Variants in DIPK1C observed in about 807,000 individuals in gnomAD.
The protein encoded by DIPK1C is familial non-conventional Alzheimer's dementia.
Under a neutral mutation model 28.0 loss-of-function variants are expected in DIPK1C, and 33 were observed. That is an observed-to-expected ratio of 1.18 (90% CI 0.89 to 1.58). DIPK1C has a LOEUF of 1.58. DIPK1C is among the 40% of genes most tolerant of loss of function. The pLI is 0.00. For synonymous variants in DIPK1C, 255 were observed against 248.8 expected, an observed-to-expected ratio of 1.02 and a Z score of -0.23; for missense variants, 569 against 568.5, an observed-to-expected ratio of 1.00 and a Z score of -0.01.
rs1464419237 is a variant in DIPK1C at position 74,446,884 on chromosome 18, T to A, written c.598A>T (p.Ser200Cys). 1 of 1,521,006 alleles carries A rather than the reference T, an allele frequency of 6.6e-7. No homozygotes were observed. The highest frequency in any genetic ancestry group is 8.9e-7 in the Non-Finnish European group (1 of 1,129,632). 94.2% of individuals were successfully genotyped at this position (1,521,006 alleles called of 1,614,324 possible). Residue 200 changes from serine (S) to cysteine (C), a missense_variant, in exon 2 of 4, where the codon AGC (serine) becomes TGC (cysteine). Ser to Cys is a moderately radical substitution (Grantham distance 112). Transcript: ENST00000343998. Reference sequence around the variant, plus strand: ...TGTGGGCTCAGGTCCTGCAGCAGGCTGAAGTAGACGTACTCCTCCTGCTGC... The same window carrying A: ...TGTGGGCTCAGGTCCTGCAGCAGGCAGAAGTAGACGTACTCCTCCTGCTGC... ...LLQQEEYVYF[S>C]LLQDLSPHVL...
intron 1 of DIPK1C, 150 bp downstream of exon 1, chr18:74,456,912 C>T (rs1429832942): frequency 8.4e-6 from 7 of 830,474 alleles, no homozygotes; most frequent in Non-Finnish European, 9.9e-6. Flanking sequence ...CCGGGGCGTG[C>T]GCCTCTGGCA....
intron 1 of DIPK1C, among the ~76,000 whole-genome samples, chr18:74,456,473 G>A (rs1006385870): frequency 6.6e-6 from 1 of 152,238 alleles, no homozygotes; most frequent in Admixed American, 6.5e-5. Context: ...GCTCGCCCGA[G>A]CGCACACTGC....
At chr18:74,437,926 C>CTGTG (rs1353620727) in intron 3 of DIPK1C, among the ~76,000 whole-genome samples, 27 of 152,206 alleles carry the variant, frequency 1.8e-4, no homozygotes, top group African/African-American at 6.3e-4. Context: ...AGGTCTCACT[C>CTGTG]TGTGACCCAG....
intron 1 of DIPK1C, 114 bp downstream of exon 1, chr18:74,456,948 G>T (rs1986527016): frequency 1.8e-6 from 2 of 1,130,558 alleles, no homozygotes; most frequent in Non-Finnish European, 2.3e-6. Flanking sequence ...GGGAACCCAT[G>T]TCCCCGGCGG....
At chr18:74,454,570 T>G (rs549748117) in intron 1 of DIPK1C, among the ~76,000 whole-genome samples, 3 of 152,240 alleles carry the variant, frequency 2.0e-5, no homozygotes, top group African/African-American at 7.2e-5. Flanking sequence ...GTATTCAGAG[T>G]GAAAGCTAAT....
In DIPK1C at chr18:74,449,205, C is replaced by T. The variant is rs143193691; in HGVS notation, c.199-1922G>A. 4.6e-3 allele frequency among the ~76,000 whole-genome samples: 697 copies of T among 152,240 alleles called. 5 individuals carry two copies. The highest frequency in any genetic ancestry group is 6.8e-3 in the Middle Eastern group (2 of 294). On this transcript the variant is annotated intron_variant, in intron 1 of 3. Coordinates refer to ENST00000343998, the MANE Select transcript of DIPK1C (RefSeq NM_001044369.3). ...GTGTCAAAACCCAGCTGAAAAGACA[C>T]GAGCCTATTTGTATCTATATGTGTT...
At chr18:74,437,213 G>A (rs1302315475) in intron 3 of DIPK1C, among the ~76,000 whole-genome samples, 1 of 152,200 alleles carries the variant, frequency 6.6e-6, no homozygotes, top group African/African-American at 2.4e-5. Flanking sequence ...GCCAAATGGT[G>A]CGTGAGGGAG....
intron 1 of DIPK1C, among the ~76,000 whole-genome samples, chr18:74,452,015 C>T (rs1986408432): frequency 6.6e-6 from 1 of 152,208 alleles, no homozygotes. Flanking sequence ...AGGGCAAAAT[C>T]ATCTCATACA....
chr18:74,454,290 A>T (rs1037331403), intron 1 of DIPK1C, among the ~76,000 whole-genome samples: 1 of 151,900 alleles, frequency 6.6e-6, no homozygotes, highest in Non-Finnish European at 1.5e-5. Flanking sequence ...CTAGAGGGGA[A>T]CCTCCCTGGG....
At chr18:74,442,490 G>A (rs891628885) in intron 2 of DIPK1C, among the ~76,000 whole-genome samples, 14 of 151,798 alleles carry the variant, frequency 9.2e-5, no homozygotes, top group African/African-American at 2.4e-4. Context: ...CACCACACCC[G>A]GCTAATTTTT....
chr18:74,445,130 TG>T (rs1986229850), intron 2 of DIPK1C, among the ~76,000 whole-genome samples: 1 of 152,166 alleles, frequency 6.6e-6, no homozygotes, highest in Non-Finnish European at 1.5e-5. Context: ...TGGCGAGAAC[TG>T]GCCCGCAGCT....
At position 74,434,921 on chromosome 18, in the gene DIPK1C, C is replaced by T. The variant is rs954561478; in HGVS notation, c.*1580G>A. 8 of 152,238 alleles carry T rather than the reference C, an allele frequency of 5.3e-5. No individual in the cohort carries two copies. The highest frequency in any genetic ancestry group is 2.0e-4 in the Admixed American group (3 of 15,284). 9.4% of individuals were successfully genotyped at this position (152,238 alleles called of 1,614,324 possible). On this transcript the variant is annotated 3_prime_UTR_variant, in exon 4 of 4. Transcript: ENST00000343998. The stretch of plus-strand genomic sequence containing the variant: ...TGGAACTCTGTGTCATTTGGAAGAT[C>T]CCCAGTGGTGATGGGTAAGAATAAC...
At chr18:74,456,650 CAG>C (rs1437364514) in intron 1 of DIPK1C, among the ~76,000 whole-genome samples, 1 of 152,238 alleles carries the variant, frequency 6.6e-6, no homozygotes, top group African/African-American at 2.4e-5. Flanking sequence ...ACCCGAGAGA[CAG>C]AGGCGTGGCA....
chr18:74,457,221 C>G lies in DIPK1C; in HGVS notation c.39G>C (p.Trp13Cys). Residue 13 changes from tryptophan (W) to cysteine (C), a missense_variant, in exon 1 of 4, where the codon TGG (tryptophan) becomes TGC (cysteine). Trp to Cys is a radical substitution (Grantham distance 215). Transcript: ENST00000343998. The part of the protein sequence containing the change: ...RAAGARGPAG[W>C]CRRRGRCGRG... Reference sequence around the variant, plus strand: ...GCCCGCAGCGCCCGCGCCTCCTGCACCACCCGGCAGGGCCCCGCGCGCCCG... The same window carrying G: ...GCCCGCAGCGCCCGCGCCTCCTGCAGCACCCGGCAGGGCCCCGCGCGCCCG... The G allele has an allele frequency of 8.9e-7, 1 of 1,129,586 alleles. No individual in the cohort carries two copies. The highest frequency in any genetic ancestry group is 1.1e-6 in the Non-Finnish European group (1 of 924,556). The allele number at this position is 1,129,586 out of a possible 1,614,324, so 70.0% of individuals were successfully genotyped here.
intron 1 of DIPK1C, among the ~76,000 whole-genome samples, chr18:74,450,414 A>G (rs186209087): frequency 6.6e-6 from 1 of 152,328 alleles, no homozygotes; most frequent in African/African-American, 2.4e-5. Flanking sequence ...CAAAGGTGTG[A>G]TCCTAAGCTG....
At chr18:74,436,803 G>C in intron 3 of DIPK1C, 84 bp from the exon 4 acceptor site, 3 of 1,312,854 alleles carry the variant, frequency 2.3e-6, no homozygotes, top group Non-Finnish European at 3.1e-6. Flanking sequence ...TTCTGAAACA[G>C]ATTTCAGCTT....
Position 74,447,185 on chromosome 18 carries a change from T to A in DIPK1C, c.297A>T (p.Arg99Ser). 4.5e-6 allele frequency: 7 copies of A among 1,550,488 alleles called. No homozygotes were observed. Among genetic ancestry groups the A allele is most frequent in the Non-Finnish European group, 6.1e-6 (7 of 1,146,946 alleles). The change falls in exon 2 of 4, where the codon AGA becomes AGT. Residue 99 changes from arginine to serine, a missense_variant. Physicochemically the swap from Arg to Ser is moderately radical, Grantham distance 110. Transcript: ENST00000343998. This position sits in a 1 kb window ranked among gnomAD's most constrained non-coding sequence, Gnocchi z 4.1. ...LLFQRCLHYNRGKKVLQADWR... is the reference protein window; with the variant it reads ...LLFQRCLHYNSGKKVLQADWR... ...AGTCGGCCTGCAGCACCTTCTTGCC[T>A]CTGTTGTAGTGCAGGCAGCGTTGGA...
intron 1 of DIPK1C, among the ~76,000 whole-genome samples, chr18:74,454,021 GC>G (rs1456376243): frequency 1.3e-5 from 2 of 152,182 alleles, no homozygotes; most frequent in Non-Finnish European, 2.9e-5. Flanking sequence ...TGAATGAGAA[GC>G]CAGGTGTATC....
At chr18:74,440,102 G>A (rs936687281) in intron 3 of DIPK1C, among the ~76,000 whole-genome samples, 5 of 151,880 alleles carry the variant, frequency 3.3e-5, no homozygotes, top group Non-Finnish European at 5.9e-5. Context: ...CCGCCACCTC[G>A]CCCGGCTAAT....
Sources: allele counts gnomAD v4.1 joint callset (sites outside exome capture counted in the v4.1 genomes callset), GRCh38; gene constraint gnomAD v4.1.1; non-coding constraint Gnocchi (gnomAD v3.1); transcripts MANE v1.5; gene names NCBI Gene and HGNC (gene_info 2026-07-23, HGNC 2026-07-21).